Variants in IFT172 observed in about 807,000 individuals in gnomAD.
IFT172 encodes the protein intraflagellar transport 172, also known as intraflagellar transport protein 172 homolog.
In IFT172, 164 loss-of-function variants were observed where a neutral mutation model predicts 248.9. The observed-to-expected ratio is 0.66, with a 90% CI of 0.58 to 0.75. The LOEUF (loss-of-function observed/expected upper bound fraction) is 0.75. IFT172 is among the 30% of genes least tolerant of loss of function. IFT172 has a pLI of 0.00. For missense variants in IFT172, 1,950 were observed against 2,192.4 expected (o/e 0.89, Z 2.21); for synonymous variants, 729 against 791.6 (o/e 0.92, Z 1.33).
intron 23 of IFT172, 100 bp from the exon 24 acceptor site, chr2:27,459,929 G>A (rs889717269): frequency 6.7e-7 from 1 of 1,486,730 alleles, no homozygotes; most frequent in Non-Finnish European, 9.1e-7. Flanking sequence ...GGTAAGAAGG[G>A]GAGGAATGGA....
rs538273705 is a variant in IFT172, at chr2:27,465,988, T to A, written c.1693-106A>T. 3.0e-5 allele frequency: 38 copies of A among 1,287,468 alleles called. No homozygotes were observed. In the African/African-American group the frequency reaches 4.9e-4, roughly 17 times the overall value. 79.8% of individuals were successfully genotyped at this position (1,287,468 alleles called of 1,614,324 possible). A position where few individuals can be genotyped will look rare whatever the true frequency, so the allele number is the denominator to read the frequency against. ...CCGACCCAGTCAGTGGTCAAGAGAGTCACAGCGGCCCTGATTTTCCTAACA... is the reference window on the plus strand; with the variant it reads ...CCGACCCAGTCAGTGGTCAAGAGAGACACAGCGGCCCTGATTTTCCTAACA... On this transcript the variant is annotated intron_variant, in intron 16 of 47. Coordinates refer to ENST00000260570, the MANE Select transcript of IFT172 (RefSeq NM_015662.3).
Position 27,459,495 on chromosome 2 carries a change from G to A in IFT172, c.2670C>T (p.Ala890=), listed in dbSNP as rs374065796. 8.6e-5 allele frequency: 139 copies of A among 1,614,036 alleles called. No homozygotes were observed. Among genetic ancestry groups the A allele is most frequent in the Non-Finnish European group, 1.1e-4 (131 of 1,180,036 alleles). The part of the protein sequence containing the change: ...ARCSIKAIEA[A]LGARQWKKAI... The stretch of plus-strand genomic sequence containing the variant: ...CCTTCTTCCACTGGCGGGCACCCAG[G>A]GCGGCCTCAATTGCCTTAATGGAGC... Residue 890 remains alanine (A), a synonymous_variant, in exon 25 of 48, where the codon GCC becomes GCT. Coordinates refer to ENST00000260570, the MANE Select transcript of IFT172 (RefSeq NM_015662.3).
At chr2:27,453,260 A>AT (rs1558363546) in intron 35 of IFT172, 124 bp downstream of exon 35, 4 of 1,266,614 alleles carry the variant, frequency 3.2e-6, no homozygotes, top group Non-Finnish European at 4.6e-6. Context: ...CACTCCATAG[A>AT]TTCCTGCTAC....
chr2:27,446,071 T>G, intron 43 of IFT172, 83 bp from the exon 44 acceptor site: 1 of 1,534,894 alleles, frequency 6.5e-7, no homozygotes, highest in Non-Finnish European at 9.0e-7. Context: ...CAAATGGGAG[T>G]GAGCAAGCTG....
In IFT172 at chr2:27,479,534, T is replaced by C; in HGVS notation, c.980A>G (p.Glu327Gly). The change falls in exon 10 of 48, where the codon GAG becomes GGG. Residue 327 changes from glutamate to glycine, a missense_variant. Glu to Gly is a moderately conservative substitution (Grantham distance 98). Around this residue, in one of 3 missense-constraint regions of IFT172, gnomAD observed 1,166 missense variants for 1,254.1 expected, o/e 0.93. Transcript: ENST00000260570. ...LRRSIYKNKF[E>G]LTYVGPSQVI... ...CTGGCTAGGTCCCACATACGTCAAC[T>C]CAAACTTGTTCTTGTAAATACTCCT... is the stretch of plus-strand genomic sequence containing the variant. 1 of 1,612,082 alleles carries C rather than the reference T, an allele frequency of 6.2e-7. No homozygotes were observed. Among genetic ancestry groups the C allele is most frequent in the Non-Finnish European group, 8.5e-7 (1 of 1,178,174 alleles).
At chr2:27,469,591 G>GGA (rs1667391855) in intron 16 of IFT172, among the ~76,000 whole-genome samples, 1 of 152,164 alleles carries the variant, frequency 6.6e-6, no homozygotes, top group Non-Finnish European at 1.5e-5. Context: ...CAGCACTTTG[G>GGA]GAGGCCAAGG....
Position 27,447,541 on chromosome 2 carries a change from A to G in IFT172, c.4633T>C (p.Ser1545Pro), listed in dbSNP as rs1276172175. Reference sequence around the variant, plus strand: ...AGCTGTTTGACACTCTGGGCTGCAGAGCGCGTGGCATAGTAATGAGCGATC... The same window carrying G: ...AGCTGTTTGACACTCTGGGCTGCAGGGCGCGTGGCATAGTAATGAGCGATC... ...LLIAHYYATR[S>P]AAQSVKQLET... is the part of the protein sequence containing the mutation. The change falls in exon 42 of 48, where the codon TCT (serine) becomes CCT (proline). Residue 1545 changes from serine to proline, a missense_variant. Ser to Pro is a moderately conservative substitution (Grantham distance 74). This residue lies in a region of IFT172 where 620 missense variants were observed against 699.0 expected (regional missense o/e 0.89). Transcript: ENST00000260570. The G allele has an allele frequency of 6.2e-7, 1 of 1,614,114 alleles. No individual in the cohort carries two copies.
At chr2:27,467,935 C>T (rs547132542) in intron 16 of IFT172, among the ~76,000 whole-genome samples, 25 of 151,872 alleles carry the variant, frequency 1.6e-4, no homozygotes, top group African/African-American at 4.6e-4. Context: ...CTGAGGCTGG[C>T]GGATCACAAG....
intron 7 of IFT172, among the ~76,000 whole-genome samples, chr2:27,481,697 T>A (rs887656629): frequency 6.6e-6 from 1 of 151,980 alleles, no homozygotes; most frequent in African/African-American, 2.4e-5. Context: ...TGTGCCACCA[T>A]ACCAGGCTAA....
intron 35 of IFT172, among the ~76,000 whole-genome samples, chr2:27,451,679 T>A (rs919452320): frequency 3.9e-5 from 6 of 152,162 alleles, no homozygotes; most frequent in African/African-American, 1.4e-4. Flanking sequence ...GGCAGGAGAA[T>A]GGCCTAAACC....
intron 18 of IFT172, 33 bp downstream of exon 18, chr2:27,465,378 G>C (rs759296581): frequency 6.4e-7 from 1 of 1,555,876 alleles, no homozygotes; most frequent in South Asian, 1.1e-5. Context: ...CCTCCTAGCT[G>C]CGTGGCACCT....
At chr2:27,451,760 C>T (rs1020725165) in intron 35 of IFT172, among the ~76,000 whole-genome samples, 4 of 151,802 alleles carry the variant, frequency 2.6e-5, no homozygotes, top group Non-Finnish European at 5.9e-5. Flanking sequence ...AGCAAGACTC[C>T]GTCTCAAAAA....
At position 27,454,766 on chromosome 2, in the gene IFT172, G is replaced by A; in HGVS notation, c.3372-106C>T. 2.2e-6 allele frequency: 2 copies of A among 916,690 alleles called. No homozygotes were observed. Among genetic ancestry groups the A allele is most frequent in the Non-Finnish European group, 3.4e-6 (2 of 582,598 alleles). 56.8% of individuals were successfully genotyped at this position (916,690 alleles called of 1,614,324 possible). ...AGAGTTGAGGGGAGAAAAAGTGACA[G>A]ATTTAAGGATAACAAATATGAAGTG... On this transcript the variant is annotated intron_variant, in intron 30 of 47. Coordinates refer to ENST00000260570, the MANE Select transcript of IFT172 (RefSeq NM_015662.3). This position sits in a 1 kb window ranked among gnomAD's most constrained non-coding sequence, Gnocchi z 4.2.
At chr2:27,483,703 T>C in intron 5 of IFT172, 44 bp from the exon 6 acceptor site, 1 of 1,597,932 alleles carries the variant, frequency 6.3e-7, no homozygotes, top group East Asian at 2.2e-5. Flanking sequence ...GGCTATTTTA[T>C]ATTTAACTAG....
chr2:27,473,829 C>CA (rs1667772060), intron 14 of IFT172, among the ~76,000 whole-genome samples: 2 of 151,820 alleles, frequency 1.3e-5, no homozygotes, highest in African/African-American at 4.8e-5. Flanking sequence ...TCCCCCGAGA[C>CA]AGAGTTTCAC....
At chr2:27,456,424 T>C in intron 30 of IFT172, 87 bp downstream of exon 30, 3 of 1,505,050 alleles carry the variant, frequency 2.0e-6, no homozygotes, top group Non-Finnish European at 2.7e-6. Context: ...TCCAAGGATC[T>C]TTCTTTCAGT....
In IFT172 at chr2:27,447,963, C is replaced by T. The variant is rs375058564; in HGVS notation, c.4429-41G>A. On this transcript the variant is annotated intron_variant, in intron 40 of 47. Transcript: ENST00000260570. ...AGAAGGGGATCTGAGAAGGGCATAG[C>T]TAGAAGAGAAAGTCACTGGAAGTGG... The T allele has an allele frequency of 6.3e-5, 79 of 1,256,958 alleles. No homozygotes were observed. The African/African-American group carries it at 1.0e-3, about 16-fold the overall frequency. 77.9% of individuals were successfully genotyped at this position (1,256,958 alleles called of 1,614,324 possible). A position where few individuals can be genotyped will look rare whatever the true frequency, so the allele number is the denominator to read the frequency against.
chr2:27,453,768 C>G, intron 33 of IFT172, 29 bp from the exon 34 acceptor site: 1 of 1,594,040 alleles, frequency 6.3e-7, no homozygotes, highest in Non-Finnish European at 8.6e-7. Flanking sequence ...ATCAAGAGGG[C>G]AGAGGCAGGC....
In IFT172 at chr2:27,459,058, G is replaced by C. The variant is rs538308572; in HGVS notation, c.2788-190C>G. On this transcript the variant is annotated intron_variant, in intron 25 of 47. Transcript: ENST00000260570. ...TAAAAAGAAAGACCAGCCCCAAACA[G>C]TGGAATCCAAAAGGGCCTCACATTT... 33 of 659,242 alleles carry C rather than the reference G, an allele frequency of 5.0e-5. No homozygotes were observed. In the East Asian group the frequency reaches 7.3e-4, roughly 15 times the overall value. 40.8% of individuals were successfully genotyped at this position (659,242 alleles called of 1,614,324 possible). A position where few individuals can be genotyped will look rare whatever the true frequency, so the allele number is the denominator to read the frequency against.
Sources: allele counts gnomAD v4.1 joint callset (sites outside exome capture counted in the v4.1 genomes callset), GRCh38; gene constraint gnomAD v4.1.1; regional missense constraint gnomAD v4.1.1; non-coding constraint Gnocchi (gnomAD v3.1); transcripts MANE v1.5; gene names NCBI Gene and HGNC (gene_info 2026-07-23, HGNC 2026-07-21).